MCC: variants seen among roughly 807,000 people sequenced by gnomAD.
MCC encodes colorectal mutant cancer protein.
Under a neutral mutation model 116.2 loss-of-function variants are expected in MCC, and 90 were observed. The ratio of observed to expected loss-of-function variants is 0.77; its 90% confidence interval spans 0.65 to 0.92. The LOEUF (loss-of-function observed/expected upper bound fraction) is 0.92, where lower values mean the gene tolerates loss of function less well. MCC is among the 40% of genes least tolerant of loss of function. The probability of loss-of-function intolerance (pLI) is 0.00; values close to 1 mark genes in which losing one functional copy is unlikely to be tolerated. For missense variants in MCC, 1,516 were observed against 1,312.2 expected, an observed-to-expected ratio of 1.16 and a Z score of -2.40; for synonymous variants, 578 against 510.5, an observed-to-expected ratio of 1.13 and a Z score of -1.78.
intron 3 of MCC, chr5:113,294,250 G>A (rs1466181572): frequency 1.3e-6 from 2 of 1,584,972 alleles, no homozygotes; most frequent in Non-Finnish European, 1.7e-6. Context: ...GTAGGGCTGT[G>A]GGGAGGTCGA....
chr5:113,394,477 G>T (rs1769477136), intron 1 of MCC, among the ~76,000 whole-genome samples: 1 of 151,970 alleles, frequency 6.6e-6, no homozygotes, highest in East Asian at 1.9e-4. Context: ...AGCATAGCTG[G>T]GCCTACCTCT....
intron 3 of MCC, among the ~76,000 whole-genome samples, chr5:113,245,150 G>A (rs1469232751): frequency 2.0e-5 from 3 of 152,030 alleles, no homozygotes; most frequent in African/African-American, 4.8e-5. Flanking sequence ...TTAGCCGGGC[G>A]TGGTGGCATG....
intron 1 of MCC, among the ~76,000 whole-genome samples, chr5:113,457,407 T>C (rs1771601943): frequency 6.6e-6 from 1 of 152,220 alleles, no homozygotes; most frequent in African/African-American, 2.4e-5. Flanking sequence ...GACTGCAGCC[T>C]GCCATGCCTG....
At chr5:113,074,554 G>A (rs1421196288) in intron 11 of MCC, among the ~76,000 whole-genome samples, 2 of 133,994 alleles carry the variant, frequency 1.5e-5, no homozygotes, top group African/African-American at 4.9e-5. Context: ...GTTGATAGAA[G>A]AAGGCTTCAG....
chr5:113,452,025 G>A (rs773300261), intron 1 of MCC, among the ~76,000 whole-genome samples: 1 of 152,148 alleles, frequency 6.6e-6, no homozygotes, highest in African/African-American at 2.4e-5. Context: ...GGGCACTTCC[G>A]TTCTCCTCCA....
At chr5:113,088,699 G>C (rs79626201) in intron 8 of MCC, among the ~76,000 whole-genome samples, 2 of 152,166 alleles carry the variant, frequency 1.3e-5, no homozygotes, top group Admixed American at 6.5e-5. Context: ...GGCAAGGAAG[G>C]ATTCTCTTTC....
intron 2 of MCC, among the ~76,000 whole-genome samples, chr5:113,375,370 G>T (rs1239259581): frequency 6.6e-6 from 1 of 152,040 alleles, no homozygotes; most frequent in Non-Finnish European, 1.5e-5. Context: ...CTATTTATAT[G>T]TTTTGTCTTG....
chr5:113,050,947 G>A (rs186519757), intron 15 of MCC, among the ~76,000 whole-genome samples: 6 of 152,330 alleles, frequency 3.9e-5, no homozygotes, highest in Non-Finnish European at 8.8e-5. Flanking sequence ...CTGCCCATAA[G>A]ACACTAGGAA....
intron 2 of MCC, among the ~76,000 whole-genome samples, chr5:113,365,034 G>T (rs201855554): frequency 6.6e-6 from 1 of 152,174 alleles, no homozygotes; most frequent in Non-Finnish European, 1.5e-5. Context: ...TTGGCTATTT[G>T]CACTTGGCTC....
chr5:113,336,195 C>T lies in MCC; in HGVS notation c.627+4324G>A, dbSNP rs1268356942. Among the ~76,000 whole-genome samples, 3 of 151,606 alleles carry T rather than the reference C, an allele frequency of 2.0e-5. 1 individual carries two copies. The highest frequency in any genetic ancestry group is 4.9e-5 in the African/African-American group (2 of 40,902). On this transcript the variant is annotated intron_variant, in intron 3 of 18. Transcript: ENST00000408903. The stretch of plus-strand genomic sequence containing the variant: ...GGGTGGAGCCATCATGGCCTAATCA[C>T]CTCTTAATTGTCCCACCTCTTAATA...
chr5:113,130,083 C>T (rs185880295), intron 5 of MCC, among the ~76,000 whole-genome samples: 3 of 152,146 alleles, frequency 2.0e-5, no homozygotes, highest in Non-Finnish European at 4.4e-5. Context: ...TTAGAACCAA[C>T]CCAAATGCCC....
intron 3 of MCC, among the ~76,000 whole-genome samples, chr5:113,162,970 T>G (rs1355979419): frequency 1.3e-5 from 2 of 152,198 alleles, no homozygotes; most frequent in African/African-American, 4.8e-5. Flanking sequence ...TAGATCACAT[T>G]AATCAGAGTA....
Position 113,488,336 on chromosome 5 carries a change from T to TGCCGCC in MCC, c.78_79insGGCGGC (p.Ser26_Ser27insGlyGly). The TGCCGCC allele has an allele frequency of 1.4e-6, 2 of 1,479,354 alleles. No individual in the cohort carries two copies. The highest frequency in any genetic ancestry group is 1.3e-5 in the South Asian group (1 of 79,222). 91.6% of individuals were successfully genotyped at this position (1,479,354 alleles called of 1,614,324 possible). A position where few individuals can be genotyped will look rare whatever the true frequency, so the allele number is the denominator to read the frequency against. On this transcript the variant is annotated inframe_insertion, in exon 1 of 19. Transcript: ENST00000408903. The stretch of plus-strand genomic sequence containing the variant: ...CCGGTGCTGGACGTGTCGCTGCTGC[T>TGCCGCC]GCTGCTGCTGCCGCTGCCGCCGCCG...
At chr5:113,163,003 C>T (rs75947835) in intron 3 of MCC, among the ~76,000 whole-genome samples, 1,533 of 152,262 alleles carry the variant, frequency 0.01, 24 homozygotes, top group African/African-American at 0.035. Flanking sequence ...CCTTTCAACA[C>T]GTGTAATTGA....
intron 3 of MCC, among the ~76,000 whole-genome samples, chr5:113,308,095 C>T (rs910148512): frequency 1.2e-4 from 19 of 152,234 alleles, no homozygotes; most frequent in Middle Eastern, 3.4e-3. Context: ...ACCTGAGCCT[C>T]CCCAATAGCT....
In MCC at chr5:113,127,259, C is replaced by T. The variant is rs540149746; in HGVS notation, c.885-4433G>A. Among the ~76,000 whole-genome samples, 3 of 152,290 alleles carry T rather than the reference C, an allele frequency of 2.0e-5. No homozygotes were observed. The East Asian group carries it at 5.8e-4, about 29-fold the overall frequency. On this transcript the variant is annotated intron_variant, in intron 5 of 18. Transcript: ENST00000408903. ...CTTTATCTAATCTGTCACTGATGGG[C>T]ATTTAGGTTGATTCCATGTCTTTGC...
chr5:113,136,645 G>T (rs2150281606), intron 5 of MCC, among the ~76,000 whole-genome samples: 1 of 152,256 alleles, frequency 6.6e-6, no homozygotes, highest in East Asian at 1.9e-4. Context: ...TTGATTCTCT[G>T]ATTGTTATTG....
chr5:113,061,475 C>A (rs1753213599), intron 14 of MCC, among the ~76,000 whole-genome samples: 1 of 152,186 alleles, frequency 6.6e-6, no homozygotes, highest in African/African-American at 2.4e-5. Flanking sequence ...GCCATCCAGG[C>A]AATCAACCTA....
chr5:113,101,496 T>C (rs989871794), intron 8 of MCC: 81 of 528,302 alleles, frequency 1.5e-4, no homozygotes, highest in Non-Finnish European at 2.4e-4. Flanking sequence ...CCCGATGTAA[T>C]TTTATCAACC....
Sources: allele counts gnomAD v4.1 joint callset (sites outside exome capture counted in the v4.1 genomes callset), GRCh38; gene constraint gnomAD v4.1.1; transcripts MANE v1.5; gene names NCBI Gene and HGNC (gene_info 2026-07-23, HGNC 2026-07-21).